THSD7B: variants seen among roughly 807,000 people sequenced by gnomAD.
THSD7B encodes the protein thrombospondin type 1 domain containing 7B, also known as thrombospondin type-1 domain-containing protein 7B.
In THSD7B, 138 loss-of-function variants were observed where a neutral mutation model predicts 213.6. That is an observed-to-expected ratio of 0.65 (90% CI 0.56 to 0.74). The LOEUF (loss-of-function observed/expected upper bound fraction) is 0.74, where lower values mean the gene tolerates loss of function less well. Ranked by LOEUF, THSD7B falls within the 30% of genes least tolerant of loss-of-function variation. THSD7B has a pLI of 0.00. For missense variants in THSD7B, 1,931 were observed against 1,991.5 expected, an observed-to-expected ratio of 0.97 and a Z score of 0.58; for synonymous variants, 742 against 687.0, an observed-to-expected ratio of 1.08 and a Z score of -1.25.
intron 1 of THSD7B, among the ~76,000 whole-genome samples, chr2:136,805,834 T>C (rs1682270480): frequency 6.6e-6 from 1 of 152,230 alleles, no homozygotes; most frequent in Non-Finnish European, 1.5e-5. Flanking sequence ...CTCTGTCCTC[T>C]GGTCCCTTCA....
At chr2:137,392,852 G>C (rs1222319683) in intron 12 of THSD7B, among the ~76,000 whole-genome samples, 1 of 152,008 alleles carries the variant, frequency 6.6e-6, no homozygotes, top group Non-Finnish European at 1.5e-5. Context: ...GTCTTTAGGT[G>C]AAATTCTGTT....
chr2:137,304,915 T>C (rs1360465449), intron 12 of THSD7B, among the ~76,000 whole-genome samples: 2 of 152,162 alleles, frequency 1.3e-5, no homozygotes, highest in Non-Finnish European at 2.9e-5. Flanking sequence ...CTTAGTTTAA[T>C]GGTGAATGTT....
At chr2:137,190,499 C>T (rs1680635857) in intron 7 of THSD7B, among the ~76,000 whole-genome samples, 2 of 152,090 alleles carry the variant, frequency 1.3e-5, no homozygotes, top group African/African-American at 4.8e-5. Context: ...GCCAGACCCG[C>T]CTGCAGCAAG....
intron 12 of THSD7B, among the ~76,000 whole-genome samples, chr2:137,323,850 G>T (rs754822069): frequency 6.6e-6 from 1 of 152,174 alleles, no homozygotes; most frequent in Non-Finnish European, 1.5e-5. Flanking sequence ...ATGAGATTCT[G>T]TTTGACAAAA....
rs192662680 is a variant in THSD7B, at chr2:137,382,097, G to A, written c.2501-23516G>A. 2.4e-3 allele frequency among the ~76,000 whole-genome samples: 366 copies of A among 152,318 alleles called. 1 individual carries two copies. Among genetic ancestry groups the A allele is most frequent in the African/African-American group, 8.3e-3 (347 of 41,574 alleles). ...ACCACTTGACGATTGAATTGGGACA[G>A]TACCACTACGTGGTGGACTTGGCTA... On this transcript the variant is annotated intron_variant, in intron 12 of 27. Coordinates refer to ENST00000409968, the MANE Select transcript of THSD7B (RefSeq NM_001316349.2).
At chr2:137,445,595 GT>G (rs1246806195) in intron 14 of THSD7B, among the ~76,000 whole-genome samples, 3 of 151,948 alleles carry the variant, frequency 2.0e-5, no homozygotes, top group African/African-American at 7.2e-5. Context: ...GAGAATGGTG[GT>G]TCCAGAGGCT....
chr2:137,081,743 G>C (rs2104905226), intron 3 of THSD7B, among the ~76,000 whole-genome samples: 1 of 152,082 alleles, frequency 6.6e-6, no homozygotes, highest in African/African-American at 2.4e-5. Flanking sequence ...ACATTTTCTG[G>C]CTTTTATTGC....
At chr2:136,903,720 G>A (rs1480369276) in intron 2 of THSD7B, among the ~76,000 whole-genome samples, 1 of 152,180 alleles carries the variant, frequency 6.6e-6, no homozygotes, top group Non-Finnish European at 1.5e-5. Flanking sequence ...CACAGGGCCA[G>A]AGAGCTAGGC....
intron 6 of THSD7B, 139 bp from the exon 7 acceptor site, chr2:137,170,602 A>G (rs1680226349): frequency 1.4e-6 from 1 of 717,528 alleles, no homozygotes; most frequent in Non-Finnish European, 2.2e-6. Flanking sequence ...CACTTCACAT[A>G]GAATAAAACA....
rs920780129 is a variant in THSD7B, at chr2:137,305,308, A to G, written c.2500+29282A>G. ...TTTATTACAGAGACTTGGCTTACAC[A>G]GTTGCTGGAACTGGTCAATCAGTCT... On this transcript the variant is annotated intron_variant, in intron 12 of 27. Transcript: ENST00000409968. Among the ~76,000 whole-genome samples the G allele has an allele frequency of 6.6e-5, 10 of 152,088 alleles. No homozygotes were observed. The East Asian group carries it at 1.9e-3, about 29-fold the overall frequency.
At chr2:136,955,508 G>C (rs921343661) in intron 2 of THSD7B, among the ~76,000 whole-genome samples, 1 of 152,034 alleles carries the variant, frequency 6.6e-6, no homozygotes, top group Non-Finnish European at 1.5e-5. Context: ...TGCCACCTCA[G>C]GAAAATTAGT....
Position 137,102,265 on chromosome 2 carries a change from C to G in THSD7B, c.1199+7144C>G, listed in dbSNP as rs575287388. On this transcript the variant is annotated intron_variant, in intron 4 of 27. Transcript: ENST00000409968. ...GGCAAACAGAGCCTGAAGTGGACCT[C>G]CAGCAGACTCCAGCAGACCTGCAGC... 3.4e-3 allele frequency among the ~76,000 whole-genome samples: 519 copies of G among 152,334 alleles called. 3 individuals carry two copies. Among genetic ancestry groups the G allele is most frequent in the African/African-American group, 0.011 (440 of 41,570 alleles).
chr2:137,424,283 A>G (rs1455193124), intron 14 of THSD7B, among the ~76,000 whole-genome samples: 1 of 152,158 alleles, frequency 6.6e-6, no homozygotes, highest in African/African-American at 2.4e-5. Context: ...CACCCAAAGC[A>G]CTAGAAACAA....
chr2:137,612,516 C>T (rs1042035836), intron 17 of THSD7B, among the ~76,000 whole-genome samples: 2 of 152,114 alleles, frequency 1.3e-5, no homozygotes, highest in African/African-American at 4.8e-5. Flanking sequence ...AACATGGTCA[C>T]TTAACTGCAA....
chr2:137,613,534 T>C (rs185228681), intron 17 of THSD7B, among the ~76,000 whole-genome samples: 2 of 152,212 alleles, frequency 1.3e-5, no homozygotes, highest in Non-Finnish European at 2.9e-5. Flanking sequence ...GTTTCTGTAC[T>C]AGACACTAAC....
intron 21 of THSD7B, 136 bp downstream of exon 21, chr2:137,642,769 A>T (rs1682963928): frequency 9.4e-7 from 1 of 1,062,444 alleles, no homozygotes; most frequent in African/African-American, 1.6e-5. Context: ...GCAATGCAGA[A>T]CATGGAAAAA....
chr2:137,420,281 G>T (rs1219682939), intron 14 of THSD7B, among the ~76,000 whole-genome samples: 1 of 152,038 alleles, frequency 6.6e-6, no homozygotes, highest in Non-Finnish European at 1.5e-5. Context: ...TGCTGGCAGG[G>T]GTCTTTTGCC....
chr2:137,143,954 A>C (rs1679641986), intron 5 of THSD7B, among the ~76,000 whole-genome samples: 1 of 152,038 alleles, frequency 6.6e-6, no homozygotes. Flanking sequence ...ATTAACTTTA[A>C]AACAATTCAT....
chr2:137,108,601 T>C (rs1413787542), intron 4 of THSD7B, among the ~76,000 whole-genome samples: 2 of 152,234 alleles, frequency 1.3e-5, no homozygotes, highest in Non-Finnish European at 2.9e-5. Flanking sequence ...GTTTGTGTCC[T>C]GTATCTCTTT....
Sources: allele counts gnomAD v4.1 joint callset (sites outside exome capture counted in the v4.1 genomes callset), GRCh38; gene constraint gnomAD v4.1.1; transcripts MANE v1.5; gene names NCBI Gene and HGNC (gene_info 2026-07-23, HGNC 2026-07-21).